Variants in FTO observed in about 807,000 individuals in gnomAD.
FTO encodes FTO alpha-ketoglutarate dependent dioxygenase, also known as alpha-ketoglutarate-dependent dioxygenase FTO.
A neutral mutation model predicts 63.9 loss-of-function variants in FTO; 47 were observed. The ratio of observed to expected loss-of-function variants is 0.74; its 90% CI spans 0.58 to 0.94. The LOEUF (loss-of-function observed/expected upper bound fraction) is 0.94. Among genes scored for constraint, FTO ranks in the 40% least tolerant of loss-of-function variants. The probability of loss-of-function intolerance (pLI) is 0.00; values close to 1 mark genes in which losing one functional copy is unlikely to be tolerated. For synonymous variants in FTO, 207 were observed against 224.4 expected, an observed-to-expected ratio of 0.92 and a Z score of 0.69; for missense variants, 562 against 618.1, an observed-to-expected ratio of 0.91 and a Z score of 0.96.
rs375814669 is a variant in FTO, at chr16:53,732,041, ATTTT to A, written c.45+27834_45+27837del. Among the ~76,000 whole-genome samples the A allele has an allele frequency of 5.3e-4, 52 of 98,570 alleles. 2 individuals are homozygous for A. Among genetic ancestry groups the A allele is most frequent in the Admixed American group, 4.8e-4 (4 of 8,258 alleles). 64.7% of individuals were successfully genotyped at this position (98,570 alleles called of 152,430 possible). On this transcript the variant is annotated intron_variant, in intron 1 of 8. Coordinates refer to ENST00000471389, the MANE Select transcript of FTO (RefSeq NM_001080432.3). ...GCGCCCCAGCCCTCATTGTGGCCTTATTTTTTTTTTTTTTTTTTTTTTTTTGAGA... is the reference window on the plus strand; with the variant it reads ...GCGCCCCAGCCCTCATTGTGGCCTTATTTTTTTTTTTTTTTTTTTTTGAGA...
At chr16:53,838,402 C>T (rs529533042) in intron 3 of FTO, among the ~76,000 whole-genome samples, 101 of 152,200 alleles carry the variant, frequency 6.6e-4, no homozygotes, top group Middle Eastern at 3.4e-3. Flanking sequence ...CCTCTGCCTC[C>T]CAGGTTCAAG....
At chr16:54,010,168 C>T (rs1167991450) in intron 8 of FTO, among the ~76,000 whole-genome samples, 1 of 152,142 alleles carries the variant, frequency 6.6e-6, no homozygotes, top group Non-Finnish European at 1.5e-5. Flanking sequence ...AATCCCAGCA[C>T]TTTGGGAGGC....
At chr16:54,046,446 C>T (rs1297790629) in intron 8 of FTO, among the ~76,000 whole-genome samples, 9 of 11,792 alleles carry the variant, frequency 7.6e-4, no homozygotes, top group Non-Finnish European at 1.1e-3. Context: ...AACCACTGCT[C>T]AAGGAAATAA....
At chr16:54,022,143 A>G (rs939497578) in intron 8 of FTO, among the ~76,000 whole-genome samples, 2 of 152,224 alleles carry the variant, frequency 1.3e-5, no homozygotes, top group Admixed American at 1.3e-4. Flanking sequence ...ACAAAAAAAC[A>G]AAAAGAAATG....
intron 8 of FTO, among the ~76,000 whole-genome samples, chr16:54,028,620 A>G (rs2084766715): frequency 6.6e-6 from 1 of 152,256 alleles, no homozygotes; most frequent in African/African-American, 2.4e-5. Flanking sequence ...ACCAAGTTGT[A>G]CATTCTTGGA....
At chr16:53,783,423 C>T (rs1303256005) in intron 1 of FTO, among the ~76,000 whole-genome samples, 9 of 151,610 alleles carry the variant, frequency 5.9e-5, no homozygotes, top group Non-Finnish European at 1.0e-4. Flanking sequence ...CTGGCTAACA[C>T]GGTGAAACCC....
At chr16:53,777,864 G>A (rs897014994) in intron 1 of FTO, among the ~76,000 whole-genome samples, 2 of 152,126 alleles carry the variant, frequency 1.3e-5, no homozygotes, top group African/African-American at 2.4e-5. Context: ...ACTCAAGTCC[G>A]ATTAACCAGA....
intron 3 of FTO, among the ~76,000 whole-genome samples, chr16:53,837,537 T>C (rs2151802776): frequency 6.6e-6 from 1 of 152,332 alleles, no homozygotes; most frequent in East Asian, 1.9e-4. Context: ...TTCAGACTTT[T>C]CTAAATTCTC....
At chr16:53,777,659 A>C (rs976311718) in intron 1 of FTO, among the ~76,000 whole-genome samples, 2 of 152,202 alleles carry the variant, frequency 1.3e-5, no homozygotes, top group African/African-American at 4.8e-5. Context: ...GGTCACACTC[A>C]TCAGTATCAC....
At chr16:53,874,122 A>G (rs529087716) in intron 5 of FTO, among the ~76,000 whole-genome samples, 1 of 152,262 alleles carries the variant, frequency 6.6e-6, no homozygotes, top group East Asian at 1.9e-4. Flanking sequence ...TGCCGTTGAC[A>G]AGTGTTTATA....
At chr16:54,097,441 A>T (rs1049634491) in intron 8 of FTO, among the ~76,000 whole-genome samples, 12 of 152,072 alleles carry the variant, frequency 7.9e-5, no homozygotes, top group African/African-American at 2.9e-4. Flanking sequence ...TCTGGGCTCA[A>T]GTGATCCTCC....
intron 1 of FTO, among the ~76,000 whole-genome samples, chr16:53,781,850 T>C (rs902798988): frequency 3.9e-5 from 6 of 152,170 alleles, no homozygotes; most frequent in Non-Finnish European, 7.3e-5. Context: ...GGAAAAAATA[T>C]AGGTTTTGGA....
At chr16:53,835,531 T>G (rs2079265173) in intron 3 of FTO, among the ~76,000 whole-genome samples, 2 of 152,224 alleles carry the variant, frequency 1.3e-5, no homozygotes, top group Non-Finnish European at 2.9e-5. Flanking sequence ...ATTGCATTAC[T>G]GTCTTTTATC....
At chr16:53,856,861 G>T (rs907884820) in intron 4 of FTO, among the ~76,000 whole-genome samples, 2 of 152,150 alleles carry the variant, frequency 1.3e-5, no homozygotes, top group African/African-American at 4.8e-5. Context: ...TAGTGGTTTT[G>T]TAGTCTGTCC....
chr16:53,876,434 A>G (rs2080656268), intron 5 of FTO, among the ~76,000 whole-genome samples: 1 of 152,232 alleles, frequency 6.6e-6, no homozygotes, highest in South Asian at 2.1e-4. Context: ...AAACAGATAA[A>G]TTGGCCTTCA....
At chr16:53,995,970 C>G (rs574775890) in intron 8 of FTO, among the ~76,000 whole-genome samples, 1 of 152,296 alleles carries the variant, frequency 6.6e-6, no homozygotes, top group South Asian at 2.1e-4. Flanking sequence ...AAAGACAGAG[C>G]CTCATGTTTG....
intron 1 of FTO, among the ~76,000 whole-genome samples, chr16:53,808,057 C>T (rs2078417707): frequency 6.6e-6 from 1 of 152,216 alleles, no homozygotes; most frequent in Admixed American, 6.5e-5. Flanking sequence ...GTAATCCCAG[C>T]ACTTTGGGAG....
Position 53,833,927 on chromosome 16 carries a change from T to A in FTO, c.751+7436T>A, listed in dbSNP as rs148808722. Among the ~76,000 whole-genome samples, 4 of 152,366 alleles carry A rather than the reference T, an allele frequency of 2.6e-5. No homozygotes were observed. The East Asian group carries it at 7.7e-4, about 29-fold the overall frequency. ...TGCCCATTTTTGAATTTGGCTGGTT[T>A]TTAGTTGTTGAGTTTTGTGAGTTCC... On this transcript the variant is annotated intron_variant, in intron 3 of 8. Transcript: ENST00000471389.
chr16:54,088,728 T>C (rs1463602456), intron 8 of FTO, among the ~76,000 whole-genome samples: 1 of 152,236 alleles, frequency 6.6e-6, no homozygotes, highest in East Asian at 1.9e-4. Context: ...AACATCATTA[T>C]GGCAAGTTTC....
Sources: gnomAD v4.1 joint callset for allele counts (sites outside exome capture counted in the v4.1 genomes callset) on GRCh38, gnomAD v4.1.1 for gene constraint, MANE v1.5 for transcripts, NCBI Gene and HGNC (gene_info 2026-07-23, HGNC 2026-07-21) for gene names.